MAP4K4: variants seen among roughly 807,000 people sequenced by gnomAD.
MAP4K4 encodes HPK/GCK-like kinase HGK.
MAP4K4 carries 38 observed loss-of-function variants against 189.6 expected under a neutral mutation model. That is an observed-to-expected ratio of 0.20 (90% CI 0.15 to 0.26). The LOEUF is 0.26. Ranked by LOEUF, MAP4K4 falls within the 10% of genes least tolerant of loss-of-function variation. The pLI is 1.00. For missense variants in MAP4K4, 1,054 were observed against 1,726.9 expected (o/e 0.61, Z 6.91); for synonymous variants, 610 against 624.3 (o/e 0.98, Z 0.34).
At chr2:101,703,478 C>T (rs1182531035) in intron 2 of MAP4K4, among the ~76,000 whole-genome samples, 5 of 151,612 alleles carry the variant, frequency 3.3e-5, no homozygotes, top group Non-Finnish European at 5.9e-5. Context: ...AGTAGCCAGG[C>T]GTGGTGGTGT....
rs184682228 is a variant in MAP4K4 at position 101,772,798 on chromosome 2, C to T, written c.124-17922C>T. 3.2e-4 allele frequency among the ~76,000 whole-genome samples: 49 copies of T among 152,286 alleles called. No homozygotes were observed. In the East Asian group the frequency reaches 7.7e-3, roughly 24 times the overall value. On this transcript the variant is annotated intron_variant, in intron 2 of 32. Coordinates refer to ENST00000324219, the Ensembl canonical transcript of MAP4K4. ...CCCGCGCCTGGGCACTGTGCTAAACCTCACACACATGAGGATGTCAGTCTT... is the reference window on the plus strand; with the variant it reads ...CCCGCGCCTGGGCACTGTGCTAAACTTCACACACATGAGGATGTCAGTCTT...
At chr2:101,865,066 C>A (rs368281512) in intron 18 of MAP4K4, 30 bp downstream of exon 18, 3 of 1,345,988 alleles carry the variant, frequency 2.2e-6, no homozygotes, top group Non-Finnish European at 3.1e-6. Context: ...TGAGAACAGG[C>A]CTTCTGTGCA....
chr2:101,729,101 A>AGAGAGAGTGTGTGT lies in MAP4K4; in HGVS notation c.123+30564_123+30565insAGAGAGTGTGTGTG, dbSNP rs149283961. 4.0e-3 allele frequency among the ~76,000 whole-genome samples: 522 copies of AGAGAGAGTGTGTGT among 130,558 alleles called. 4 individuals carry two copies. The highest frequency in any genetic ancestry group is 0.015 in the African/African-American group (482 of 32,160). The allele number at this position is 130,558 out of a possible 152,430, so 85.7% of individuals were successfully genotyped here. ...AGGAGAGAGAGAGAGAGAGAGAGAG[A>AGAGAGAGTGTGTGT]GTGTGTGTGTGTGTGTGTGTGTGTG... On this transcript the variant is annotated intron_variant, in intron 2 of 32. Coordinates refer to ENST00000324219, the Ensembl canonical transcript of MAP4K4.
At position 101,849,814 on chromosome 2, in the gene MAP4K4, T is replaced by TAA. The variant is rs147553149; in HGVS notation, c.1233+5504_1233+5505dup. ...GGGAGGTCGAGATGGGATGCTCACT[T>TAA]AAGCCCAGGAGTTTGAGATCAGCTT... On this transcript the variant is annotated intron_variant, in intron 12 of 32. Coordinates refer to ENST00000324219, the Ensembl canonical transcript of MAP4K4. Among the ~76,000 whole-genome samples, 71 of 152,170 alleles carry TAA rather than the reference T, an allele frequency of 4.7e-4. No individual in the cohort carries two copies. The East Asian group carries it at 0.013, about 28-fold the overall frequency.
intron 2 of MAP4K4, among the ~76,000 whole-genome samples, chr2:101,766,611 AT>A (rs11393348): frequency 6.1e-4 from 89 of 145,124 alleles, no homozygotes; most frequent in Middle Eastern, 7.5e-3. Context: ...TTTTGTCTTG[AT>A]TTTTTTTTTT....
intron 2 of MAP4K4, among the ~76,000 whole-genome samples, chr2:101,725,415 A>C (rs1451765104): frequency 6.6e-6 from 1 of 152,070 alleles, no homozygotes; most frequent in East Asian, 1.9e-4. Context: ...AACAAAAAAA[A>C]ACCAAAAAAC....
intron 3 of MAP4K4, among the ~76,000 whole-genome samples, chr2:101,815,279 C>T (rs543209050): frequency 4.7e-4 from 72 of 152,098 alleles, no homozygotes; most frequent in African/African-American, 1.7e-3. Context: ...TTTTACTCTG[C>T]CACTCTGGTT....
chr2:101,708,255 T>C (rs2043454200), intron 2 of MAP4K4, among the ~76,000 whole-genome samples: 1 of 152,250 alleles, frequency 6.6e-6, no homozygotes, highest in African/African-American at 2.4e-5. Flanking sequence ...CCAAAAGTTG[T>C]GTCTTTGATT....
chr2:101,817,034 A>G (rs1407778953), intron 3 of MAP4K4, among the ~76,000 whole-genome samples: 5 of 151,864 alleles, frequency 3.3e-5, no homozygotes, highest in African/African-American at 4.8e-5. Context: ...GGAAAATAGT[A>G]TATGACAATT....
intron 2 of MAP4K4, among the ~76,000 whole-genome samples, chr2:101,719,559 G>A (rs1284288308): frequency 6.6e-6 from 1 of 152,228 alleles, no homozygotes; most frequent in Non-Finnish European, 1.5e-5. Context: ...GAGGGGGAAA[G>A]TGGGCAGGTG....
rs181986998 is a variant in MAP4K4 at position 101,801,458 on chromosome 2, G to A, written c.180+10682G>A. Among the ~76,000 whole-genome samples the A allele has an allele frequency of 3.5e-3, 529 of 152,244 alleles. 4 individuals are homozygous for A. The highest frequency in any genetic ancestry group is 0.012 in the African/African-American group (485 of 41,530). On this transcript the variant is annotated intron_variant, in intron 3 of 32. Coordinates refer to ENST00000324219, the Ensembl canonical transcript of MAP4K4. ...GCCGTAATGGCACGTATGAAATATT[G>A]TCTACCAAAGAAGCTTGCTAGAGAC...
intron 3 of MAP4K4, among the ~76,000 whole-genome samples, chr2:101,812,300 A>T (rs565597290): frequency 6.6e-6 from 1 of 152,122 alleles, no homozygotes; most frequent in Non-Finnish European, 1.5e-5. Context: ...GAGTACAGGG[A>T]GATGATGATC....
chr2:101,785,075 A>G (rs990552709), intron 2 of MAP4K4, among the ~76,000 whole-genome samples: 18 of 152,186 alleles, frequency 1.2e-4, no homozygotes, highest in Admixed American at 8.5e-4. Context: ...GTCACAGGAT[A>G]TGCTTGCTGG....
intron 3 of MAP4K4, among the ~76,000 whole-genome samples, chr2:101,812,582 A>G (rs2095496792): frequency 6.6e-6 from 1 of 152,092 alleles, no homozygotes; most frequent in Non-Finnish European, 1.5e-5. Flanking sequence ...TAGGTAGTAG[A>G]CTGCCTTAAA....
At chr2:101,697,793 G>A (rs1457073766) in exon 1 of MAP4K4, 2 of 145,302 alleles carry the variant, frequency 1.4e-5, no homozygotes, top group Non-Finnish European at 3.1e-5. Flanking sequence ...CGGGGCCTGA[G>A]GCGGCGGGCG....
intron 2 of MAP4K4, among the ~76,000 whole-genome samples, chr2:101,701,909 A>G (rs1053960753): frequency 3.9e-5 from 6 of 152,188 alleles, no homozygotes; most frequent in Non-Finnish European, 5.9e-5. Context: ...TCTGTTGCCC[A>G]GGCTGGAGTG....
At chr2:101,800,239 C>T (rs1009829583) in intron 3 of MAP4K4, among the ~76,000 whole-genome samples, 22 of 152,230 alleles carry the variant, frequency 1.4e-4, no homozygotes, top group African/African-American at 5.1e-4. Flanking sequence ...AAGAGATCTT[C>T]CCACCTCAGC....
At chr2:101,850,239 A>C (rs951098885) in intron 12 of MAP4K4, among the ~76,000 whole-genome samples, 1 of 152,170 alleles carries the variant, frequency 6.6e-6, no homozygotes, top group Non-Finnish European at 1.5e-5. Context: ...TCAAAGTTAA[A>C]TTTTAGAGGG....
chr2:101,748,779 T>C (rs1266819093), intron 2 of MAP4K4, among the ~76,000 whole-genome samples: 3 of 151,268 alleles, frequency 2.0e-5, no homozygotes, highest in Admixed American at 6.6e-5. Flanking sequence ...CAGCCCAAAA[T>C]CTCCTTAAGC....
Sources: allele counts gnomAD v4.1 joint callset (sites outside exome capture counted in the v4.1 genomes callset), GRCh38; gene constraint gnomAD v4.1.1; transcripts MANE v1.5; gene names NCBI Gene and HGNC (gene_info 2026-07-23, HGNC 2026-07-21).